TLK1: variants seen among roughly 807,000 people sequenced by gnomAD.
TLK1 encodes serine/threonine-protein kinase tousled-like 1.
Under a neutral mutation model 105.3 loss-of-function variants are expected in TLK1, and 24 were observed. The observed-to-expected ratio is 0.23, with a 90% CI of 0.17 to 0.32. The LOEUF is 0.32. Among genes scored for constraint, TLK1 ranks in the 10% least tolerant of loss-of-function variants. The probability of loss-of-function intolerance (pLI) is 1.00; values close to 1 mark genes in which losing one functional copy is unlikely to be tolerated. For synonymous variants in TLK1, 321 were observed against 310.4 expected, an observed-to-expected ratio of 1.03 and a Z score of -0.36; for missense variants, 558 against 910.5, an observed-to-expected ratio of 0.61 and a Z score of 4.98.
At chr2:171,218,283 C>A (rs1456115917) in intron 1 of TLK1, among the ~76,000 whole-genome samples, 1 of 151,994 alleles carries the variant, frequency 6.6e-6, no homozygotes, top group Non-Finnish European at 1.5e-5. Flanking sequence ...ACAACAACAA[C>A]AAATAACAAC....
At chr2:171,117,340 T>C (rs1690478791) in intron 2 of TLK1, among the ~76,000 whole-genome samples, 1 of 152,174 alleles carries the variant, frequency 6.6e-6, no homozygotes, top group African/African-American at 2.4e-5. Flanking sequence ...GGCCGGTTAC[T>C]AACAGGACTG....
intron 1 of TLK1, among the ~76,000 whole-genome samples, chr2:171,175,725 C>T (rs538444733): frequency 1.3e-5 from 2 of 152,192 alleles, no homozygotes; most frequent in Non-Finnish European, 2.9e-5. Flanking sequence ...TTGCTCCCTT[C>T]TTCTTAAACC....
Position 171,160,584 on chromosome 2 carries a change from A to T in TLK1, c.-156T>A. On this transcript the variant is annotated 5_prime_UTR_variant, in exon 1 of 21. Transcript: ENST00000431350. This position sits in a 1 kb window ranked among gnomAD's most constrained non-coding sequence, Gnocchi z 4.4. ...CAAGGGGATGGGGGAGGAAACCGAG[A>T]AGAGGGGAGGTGGGGAGGAAAGAGG... 1.6e-6 allele frequency: 2 copies of T among 1,245,776 alleles called. No individual in the cohort carries two copies. The highest frequency in any genetic ancestry group is 1.1e-6 in the Non-Finnish European group (1 of 911,460). The allele number at this position is 1,245,776 out of a possible 1,614,324, so 77.2% of individuals were successfully genotyped here.
chr2:171,226,391 G>C (rs1329893861), intron 1 of TLK1, among the ~76,000 whole-genome samples: 4 of 152,188 alleles, frequency 2.6e-5, no homozygotes, highest in East Asian at 3.9e-4. Flanking sequence ...TTCCTAAAAG[G>C]CATCTGGTAC....
chr2:171,154,922 C>G (rs992978852), intron 1 of TLK1, among the ~76,000 whole-genome samples: 3 of 151,910 alleles, frequency 2.0e-5, no homozygotes, highest in African/African-American at 7.3e-5. Flanking sequence ...GCTTAAATTC[C>G]CACCACCTAA....
chr2:170,994,709 G>C (rs753431944), intron 20 of TLK1: 3 of 517,702 alleles, frequency 5.8e-6, no homozygotes, highest in Non-Finnish European at 1.2e-5. Flanking sequence ...GTCCCCAGTC[G>C]AACCTGGGTT....
rs1033249959 is a variant in TLK1, at chr2:171,012,358, A to G, written c.1335-904T>C. Among the ~76,000 whole-genome samples the G allele has an allele frequency of 3.9e-5, 6 of 152,248 alleles. No homozygotes were observed. The East Asian group carries it at 1.2e-3, about 29-fold the overall frequency. On this transcript the variant is annotated intron_variant, in intron 13 of 20. Coordinates refer to ENST00000431350, the MANE Select transcript of TLK1 (RefSeq NM_012290.5). Reference sequence around the variant, plus strand: ...ATAAATGAAGGTACTGATGCACAGAAAAGTTAAGTAACTTGCTTAACAGCT... The same window carrying G: ...ATAAATGAAGGTACTGATGCACAGAGAAGTTAAGTAACTTGCTTAACAGCT...
At chr2:171,001,302 G>A (rs1005966167) in intron 18 of TLK1, among the ~76,000 whole-genome samples, 2 of 152,136 alleles carry the variant, frequency 1.3e-5, no homozygotes, top group African/African-American at 4.8e-5. Flanking sequence ...AAGACCTCTT[G>A]ATCTAGAGGC....
At chr2:171,051,604 T>C (rs915073163) in intron 8 of TLK1, among the ~76,000 whole-genome samples, 3 of 152,188 alleles carry the variant, frequency 2.0e-5, no homozygotes, top group Non-Finnish European at 4.4e-5. Context: ...TGAGGAGTAA[T>C]AATATCTGAG....
intron 2 of TLK1, among the ~76,000 whole-genome samples, chr2:171,090,859 GTTT>G (rs1032731294): frequency 2.0e-5 from 3 of 152,076 alleles, no homozygotes; most frequent in South Asian, 2.1e-4. Flanking sequence ...AGACACAATA[GTTT>G]TTTACTAAGA....
intron 2 of TLK1, among the ~76,000 whole-genome samples, chr2:171,100,612 T>C (rs1689647400): frequency 6.6e-6 from 1 of 152,126 alleles, no homozygotes; most frequent in Admixed American, 6.6e-5. Flanking sequence ...GCCCAGTCTC[T>C]GGCATTCTGT....
chr2:171,103,282 A>ATAT (rs55949414), intron 2 of TLK1, among the ~76,000 whole-genome samples: 4 of 147,912 alleles, frequency 2.7e-5, no homozygotes, highest in African/African-American at 7.8e-5. Context: ...ATATATATAT[A>ATAT]ATTTTTTTTG....
chr2:171,061,236 C>T (rs745775097), intron 3 of TLK1, 80 bp from the exon 4 acceptor site: 224 of 1,394,918 alleles, frequency 1.6e-4, no homozygotes, highest in Non-Finnish European at 2.1e-4. Flanking sequence ...AACCATGTTT[C>T]GAGACCAAAA....
intron 12 of TLK1, among the ~76,000 whole-genome samples, chr2:171,022,086 AACACACAC>A (rs557803785): frequency 1.5e-4 from 15 of 103,010 alleles, no homozygotes; most frequent in African/African-American, 4.5e-4. Flanking sequence ...CTGGGCGAAA[AACACACAC>A]ACACACACAC....
chr2:171,130,713 T>C (rs1691069744), intron 1 of TLK1, among the ~76,000 whole-genome samples: 1 of 152,160 alleles, frequency 6.6e-6, no homozygotes, highest in South Asian at 2.1e-4. Flanking sequence ...ATAAATTTTA[T>C]CCACCAGATT....
intron 2 of TLK1, among the ~76,000 whole-genome samples, chr2:171,094,352 T>C (rs1689364347): frequency 6.6e-6 from 1 of 152,044 alleles, no homozygotes. Context: ...ATCTAGGGGA[T>C]CTACTATGAA....
intron 2 of TLK1, among the ~76,000 whole-genome samples, chr2:171,092,734 A>G (rs923656214): frequency 5.9e-5 from 9 of 152,182 alleles, no homozygotes; most frequent in African/African-American, 2.2e-4. Flanking sequence ...ACAGACTAAA[A>G]GCATCTGAGG....
chr2:171,213,920 T>C (rs1336606927), intron 1 of TLK1, among the ~76,000 whole-genome samples: 1 of 149,086 alleles, frequency 6.7e-6, no homozygotes, highest in African/African-American at 2.5e-5. Flanking sequence ...AGAGAAGAGG[T>C]CTTGTTATGT....
At chr2:171,191,476 G>A (rs73017282) in intron 1 of TLK1, among the ~76,000 whole-genome samples, 2 of 151,928 alleles carry the variant, frequency 1.3e-5, no homozygotes, top group Non-Finnish European at 2.9e-5. Flanking sequence ...CTACTACAGG[G>A]ACTGGGGCAG....
Sources: allele counts gnomAD v4.1 joint callset (sites outside exome capture counted in the v4.1 genomes callset), GRCh38; gene constraint gnomAD v4.1.1; non-coding constraint Gnocchi (gnomAD v3.1); transcripts MANE v1.5; gene names NCBI Gene and HGNC (gene_info 2026-07-23, HGNC 2026-07-21).